The following RTN3 variants were observed in gnomAD, a reference collection of about 807,000 sequenced individuals.
The protein encoded by RTN3 is reticulon-3.
In RTN3, 49 loss-of-function variants were observed where a neutral mutation model predicts 77.8. The observed-to-expected ratio is 0.63, with a 90% CI of 0.50 to 0.80. The LOEUF is 0.80. Among genes scored for constraint, RTN3 ranks in the 30% least tolerant of loss-of-function variants. RTN3 has a pLI of 0.00. For missense variants in RTN3, 1,236 were observed against 1,211.9 expected, an observed-to-expected ratio of 1.02 and a Z score of -0.29; for synonymous variants, 464 against 446.9, an observed-to-expected ratio of 1.04 and a Z score of -0.48.
chr11:63,729,582 C>CATGT (rs2012547623), intron 3 of RTN3, among the ~76,000 whole-genome samples: 1 of 151,254 alleles, frequency 6.6e-6, no homozygotes, highest in Admixed American at 6.6e-5. Flanking sequence ...CTCAGCCTCC[C>CATGT]ATGTACCTGG....
rs1252642053 is a variant in RTN3, at chr11:63,741,212, TA to T, written c.2531-8778del. Among the ~76,000 whole-genome samples the T allele has an allele frequency of 2.5e-3, 375 of 150,714 alleles. 5 individuals carry two copies. Among genetic ancestry groups the T allele is most frequent in the African/African-American group, 7.1e-3 (295 of 41,338 alleles). ...TTATTTATTTATTTATTTATTTATT[TA>T]TTTTTTGAGATGGAGTTTCGCTCTT... On this transcript the variant is annotated intron_variant, in intron 3 of 8. Coordinates refer to ENST00000377819, the MANE Select transcript of RTN3 (RefSeq NM_001265589.2).
At chr11:63,703,217 T>C (rs2134719908) in intron 1 of RTN3, among the ~76,000 whole-genome samples, 1 of 152,290 alleles carries the variant, frequency 6.6e-6, no homozygotes, top group East Asian at 1.9e-4. Flanking sequence ...GTATAAGGGA[T>C]GATGTGTGTA....
In RTN3 at chr11:63,720,084, C is replaced by G. The variant is rs753507562; in HGVS notation, c.1582C>G (p.Pro528Ala). ...TCAGGCTGAAAAACCTGTTTCCATT[C>G]CAAGTGCTGTTGTAAAAACAGGTGA... ...KIQAEKPVSI[P>A]SAVVKTGERE... The change falls in exon 3 of 9, where the codon CCA becomes GCA. Residue 528 changes from proline (P) to alanine (A), a missense_variant. Pro to Ala is a conservative substitution (Grantham distance 27, BLOSUM62 -1). Coordinates refer to ENST00000377819, the MANE Select transcript of RTN3 (RefSeq NM_001265589.2). 1 of 1,613,796 alleles carries G rather than the reference C, an allele frequency of 6.2e-7. No individual in the cohort carries two copies. The highest frequency in any genetic ancestry group is 8.5e-7 in the Non-Finnish European group (1 of 1,179,942).
At chr11:63,715,856 A>C (rs1393344428) in intron 2 of RTN3, among the ~76,000 whole-genome samples, 4 of 152,214 alleles carry the variant, frequency 2.6e-5, no homozygotes, top group Non-Finnish European at 5.9e-5. Context: ...AGATTGTGGA[A>C]TATTTCTGAT....
intron 3 of RTN3, among the ~76,000 whole-genome samples, chr11:63,729,137 A>G (rs2012497772): frequency 6.6e-6 from 1 of 151,984 alleles, no homozygotes; most frequent in African/African-American, 2.4e-5. Flanking sequence ...AAAGAAAACT[A>G]AAAGAATTCT....
chr11:63,718,229 A>T (rs2011514273), intron 2 of RTN3, among the ~76,000 whole-genome samples: 1 of 152,150 alleles, frequency 6.6e-6, no homozygotes, highest in Non-Finnish European at 1.5e-5. Context: ...TCAGATTGTG[A>T]GACTAACAGA....
chr11:63,712,125 A>G (rs1480724451), intron 2 of RTN3, among the ~76,000 whole-genome samples: 1 of 152,246 alleles, frequency 6.6e-6, no homozygotes, highest in African/African-American at 2.4e-5. Context: ...AGCTCTTTGA[A>G]TTATCTTCCT....
chr11:63,717,638 A>C (rs2011488067), intron 2 of RTN3, among the ~76,000 whole-genome samples: 1 of 151,692 alleles, frequency 6.6e-6, no homozygotes, highest in Non-Finnish European at 1.5e-5. Flanking sequence ...GAGCCACTGC[A>C]CCCAGCCAAG....
At chr11:63,738,973 C>T (rs993727150) in intron 3 of RTN3, among the ~76,000 whole-genome samples, 2 of 152,014 alleles carry the variant, frequency 1.3e-5, no homozygotes, top group South Asian at 2.1e-4. Flanking sequence ...GTACTGCAGC[C>T]GGCGTCCTTA....
intron 7 of RTN3, among the ~76,000 whole-genome samples, chr11:63,754,927 A>AAAG (rs1260268225): frequency 7.0e-6 from 1 of 143,386 alleles, no homozygotes; most frequent in African/African-American, 2.8e-5. Flanking sequence ...CTCTGTCTCA[A>AAAG]AAAAAAAAAA....
chr11:63,731,187 T>G (rs2012666342), intron 3 of RTN3, among the ~76,000 whole-genome samples: 1 of 152,032 alleles, frequency 6.6e-6, no homozygotes, highest in Admixed American at 6.6e-5. Context: ...TTCAAATGAT[T>G]ATTGTGCCTC....
Position 63,758,793 on chromosome 11 carries a change from GAATGCCATCTGATAAAAAAGAATAGA to G in RTN3, c.*597_*622del. On this transcript the variant is annotated 3_prime_UTR_variant, in exon 9 of 9. Transcript: ENST00000377819. ...TGATAGTGATAATTCCTGATTCCAAGAATGCCATCTGATAAAAAAGAATAGAAATGGAAAGTGGGACTGAGAGGGAG... is the reference window on the plus strand; with the variant it reads ...TGATAGTGATAATTCCTGATTCCAAGAATGGAAAGTGGGACTGAGAGGGAG... The G allele has an allele frequency of 6.4e-6, 1 of 157,430 alleles. No individual in the cohort carries two copies. The highest frequency in any genetic ancestry group is 2.4e-5 in the African/African-American group (1 of 41,760). 9.8% of individuals were successfully genotyped at this position (157,430 alleles called of 1,614,324 possible).
intron 2 of RTN3, among the ~76,000 whole-genome samples, chr11:63,709,900 C>T (rs1288072620): frequency 6.6e-6 from 1 of 152,096 alleles, no homozygotes; most frequent in Admixed American, 6.5e-5. Flanking sequence ...TTATAGATAT[C>T]CTTTTAGTAA....
Position 63,718,726 on chromosome 11 carries a change from A to G in RTN3, c.224A>G (p.Asp75Gly), listed in dbSNP as rs1434682012. 1 of 1,595,096 alleles carries G rather than the reference A, an allele frequency of 6.3e-7. No individual in the cohort carries two copies. The highest frequency in any genetic ancestry group is 1.2e-5 in the South Asian group (1 of 86,612). ...SQEGLSSLCS[D>G]EPSSEIMTSS... ...GAGGGATTGAGCTCTCTTTGCTCTG[A>G]TGAGCCATCTTCAGAAATTATGACT... Residue 75 changes from aspartate (D) to glycine (G), a missense_variant, in exon 3 of 9, where the codon GAT becomes GGT. Transcript: ENST00000377819.
chr11:63,701,085 T>C (rs893323446), intron 1 of RTN3, among the ~76,000 whole-genome samples: 1 of 78,300 alleles, frequency 1.3e-5, no homozygotes. Context: ...CGAGACTCCT[T>C]CTCAAAAAAA....
chr11:63,741,302 A>T (rs1286383972), intron 3 of RTN3, among the ~76,000 whole-genome samples: 1 of 151,208 alleles, frequency 6.6e-6, no homozygotes, highest in African/African-American at 2.4e-5. Flanking sequence ...TCCTGGGTTC[A>T]ATCAATTCTT....
At chr11:63,750,915 G>A (rs1298618938) in intron 4 of RTN3, among the ~76,000 whole-genome samples, 7 of 151,672 alleles carry the variant, frequency 4.6e-5, no homozygotes, top group South Asian at 4.2e-4. Context: ...TGTATTTTTA[G>A]TAGAGACAAG....
chr11:63,716,982 A>AAC lies in RTN3; in HGVS notation c.200-1719_200-1718insCA, dbSNP rs1312833447. 3.0e-4 allele frequency among the ~76,000 whole-genome samples: 45 copies of AAC among 148,520 alleles called. 1 individual carries two copies. The highest frequency in any genetic ancestry group is 6.3e-4 in the Non-Finnish European group (42 of 66,538). ...AGACTCCGTCTCAAAAAAAAAACAA[A>AAC]AAAAAAAAAAAAAGAAAAGAAAGTT... On this transcript the variant is annotated intron_variant, in intron 2 of 8. Coordinates refer to ENST00000377819, the MANE Select transcript of RTN3 (RefSeq NM_001265589.2).
chr11:63,743,438 T>C (rs555151068), intron 3 of RTN3, among the ~76,000 whole-genome samples: 1 of 152,352 alleles, frequency 6.6e-6, no homozygotes, highest in East Asian at 1.9e-4. Context: ...TTTTCTTTTT[T>C]AGTTGTTAAT....
Sources: allele counts gnomAD v4.1 joint callset (sites outside exome capture counted in the v4.1 genomes callset), GRCh38; gene constraint gnomAD v4.1.1; transcripts MANE v1.5; gene names NCBI Gene and HGNC (gene_info 2026-07-23, HGNC 2026-07-21).